Variants in SLC39A10 observed in about 807,000 individuals in gnomAD.
The protein encoded by SLC39A10 is solute carrier family 39 member 10.
Under a neutral mutation model 65.1 loss-of-function variants are expected in SLC39A10, and 13 were observed. The ratio of observed to expected loss-of-function variants is 0.20; its 90% confidence interval spans 0.13 to 0.32. SLC39A10 has a LOEUF of 0.32. Among genes scored for constraint, SLC39A10 ranks in the 10% least tolerant of loss-of-function variants. SLC39A10 has a pLI of 1.00. For synonymous variants in SLC39A10, 321 were observed against 342.2 expected (o/e 0.94, Z 0.68); for missense variants, 831 against 1,018.4 (o/e 0.82, Z 2.50).
intron 3 of SLC39A10, among the ~76,000 whole-genome samples, chr2:195,704,217 C>T (rs1691307584): frequency 6.6e-6 from 1 of 152,070 alleles, no homozygotes. Context: ...GTTTAGAGTG[C>T]ACATTTTCAA....
intron 2 of SLC39A10, among the ~76,000 whole-genome samples, chr2:195,623,175 G>T (rs765864608): frequency 6.6e-6 from 1 of 152,028 alleles, no homozygotes; most frequent in Non-Finnish European, 1.5e-5. Context: ...GTATGTAAAT[G>T]AATCACTTCC....
chr2:195,620,894 T>C (rs1286180954), intron 2 of SLC39A10, among the ~76,000 whole-genome samples: 1 of 152,186 alleles, frequency 6.6e-6, no homozygotes, highest in Non-Finnish European at 1.5e-5. Flanking sequence ...TGAAAACCTG[T>C]CTCTTGCCAT....
chr2:195,692,458 C>T (rs1017555872), intron 3 of SLC39A10, among the ~76,000 whole-genome samples: 3 of 152,056 alleles, frequency 2.0e-5, no homozygotes, highest in African/African-American at 7.2e-5. Flanking sequence ...TTCACAGTAT[C>T]GATTCTACCT....
intron 1 of SLC39A10, among the ~76,000 whole-genome samples, chr2:195,659,260 C>A (rs1404082391): frequency 6.6e-6 from 1 of 152,102 alleles, no homozygotes; most frequent in East Asian, 1.9e-4. Flanking sequence ...TGGGGAAGAC[C>A]TCATAGGAAA....
chr2:195,706,593 G>A (rs760632634), intron 3 of SLC39A10, 23 bp from the exon 4 acceptor site: 4 of 1,599,692 alleles, frequency 2.5e-6, no homozygotes, highest in Non-Finnish European at 3.4e-6. Context: ...TACTAATGTT[G>A]ACTCTTAATT....
At chr2:195,613,260 G>A (rs1688137390) in intron 2 of SLC39A10, among the ~76,000 whole-genome samples, 1 of 151,846 alleles carries the variant, frequency 6.6e-6, no homozygotes, top group Admixed American at 6.6e-5. Context: ...CTTGATGATA[G>A]TAATCATTTT....
chr2:195,658,528 G>A (rs1689256751), intron 1 of SLC39A10: 1 of 152,194 alleles, frequency 6.6e-6, no homozygotes, highest in African/African-American at 2.4e-5. Flanking sequence ...AACTAGAATA[G>A]GTTTGTATTT....
At chr2:195,654,872 A>C (rs181029438), upstream of SLC39A10, among the ~76,000 whole-genome samples, 1,338 of 137,916 alleles carry the variant, frequency 9.7e-3, 5 homozygotes, top group Non-Finnish European at 0.014. Flanking sequence ...TTTTCTCAGT[A>C]GGAAAAGTAA....
At chr2:195,686,135 A>G (rs764233157) in intron 3 of SLC39A10, among the ~76,000 whole-genome samples, 1 of 152,206 alleles carries the variant, frequency 6.6e-6, no homozygotes, top group Non-Finnish European at 1.5e-5. Flanking sequence ...TATGGACTTA[A>G]AACTGAATTC....
intron 2 of SLC39A10, among the ~76,000 whole-genome samples, chr2:195,626,957 T>A (rs1574200243): frequency 6.6e-6 from 1 of 152,190 alleles, no homozygotes; most frequent in East Asian, 1.9e-4. Context: ...TCCTTGCACA[T>A]AAATGTCTTC....
intron 1 of SLC39A10, among the ~76,000 whole-genome samples, chr2:195,659,886 T>G (rs937354508): frequency 2.0e-5 from 3 of 152,124 alleles, no homozygotes; most frequent in Non-Finnish European, 4.4e-5. Context: ...ACCCCCAGAA[T>G]GAGCTTTGAT....
chr2:195,696,625 C>T (rs986636788), intron 3 of SLC39A10, among the ~76,000 whole-genome samples: 1 of 151,936 alleles, frequency 6.6e-6, no homozygotes, highest in Non-Finnish European at 1.5e-5. Context: ...TGCTAATCCC[C>T]GTGTAGTCGA....
chr2:195,659,237 T>C (rs915035193), intron 1 of SLC39A10, among the ~76,000 whole-genome samples: 3 of 152,172 alleles, frequency 2.0e-5, no homozygotes, highest in Admixed American at 6.5e-5. Context: ...GGTGCTACTT[T>C]AAAAAAAGTG....
chr2:195,698,246 T>A (rs894777744), intron 3 of SLC39A10, among the ~76,000 whole-genome samples: 7 of 152,176 alleles, frequency 4.6e-5, no homozygotes, highest in African/African-American at 1.7e-4. Context: ...TTTATGATTT[T>A]CTATATGTAA....
At chr2:195,707,078 T>G (rs988676906) in intron 4 of SLC39A10, among the ~76,000 whole-genome samples, 2 of 152,212 alleles carry the variant, frequency 1.3e-5, no homozygotes, top group African/African-American at 4.8e-5. Flanking sequence ...CATATCAGGT[T>G]AGCCTTTAGG....
At position 195,680,417 on chromosome 2, in the gene SLC39A10, A is replaced by T; in HGVS notation, c.375A>T (p.Ser125=). 1 of 1,614,180 alleles carries T rather than the reference A, an allele frequency of 6.2e-7. No homozygotes were observed. Among genetic ancestry groups the T allele is most frequent in the South Asian group, 1.1e-5 (1 of 91,066 alleles). ...LAVQEGKHFH[S]HNHQHSHNHL... ...TTCAAGAGGGAAAGCATTTTCACTC[A>T]CATAACCACCAGCATTCCCATAATC... Residue 125 remains serine (S), a synonymous_variant, in exon 2 of 10, where the codon TCA becomes TCT. Transcript: ENST00000359634.
At chr2:195,614,669 A>G (rs1688167846) in intron 2 of SLC39A10, among the ~76,000 whole-genome samples, 1 of 152,114 alleles carries the variant, frequency 6.6e-6, no homozygotes, top group African/African-American at 2.4e-5. Flanking sequence ...CTGCTAATTC[A>G]CCATTTTCTC....
chr2:195,685,280 A>G (rs1553501844), intron 3 of SLC39A10, among the ~76,000 whole-genome samples: 1 of 151,628 alleles, frequency 6.6e-6, no homozygotes, highest in African/African-American at 2.4e-5. Context: ...CACCTTTGTG[A>G]TTTTTCCCAT....
chr2:195,717,148 G>A, intron 7 of SLC39A10, 143 bp downstream of exon 7: 1 of 1,141,620 alleles, frequency 8.8e-7, no homozygotes, highest in Non-Finnish European at 1.2e-6. Context: ...TTTGTGTTCA[G>A]TTGTTACATT....
Sources: gnomAD v4.1 joint callset for allele counts (sites outside exome capture counted in the v4.1 genomes callset) on GRCh38, gnomAD v4.1.1 for gene constraint, MANE v1.5 for transcripts, NCBI Gene and HGNC (gene_info 2026-07-23, HGNC 2026-07-21) for gene names.